POLR1B: variants seen among roughly 807,000 people sequenced by gnomAD.
POLR1B encodes the protein DNA-directed RNA polymerase I subunit RPA2.
In POLR1B, 30 loss-of-function variants were observed where a neutral mutation model predicts 105.8. The observed-to-expected ratio is 0.28, with a 90% CI of 0.21 to 0.38. The LOEUF (loss-of-function observed/expected upper bound fraction) is 0.38, where lower values mean the gene tolerates loss of function less well. POLR1B is among the 10% of genes least tolerant of loss of function. The pLI is 1.00. For synonymous variants in POLR1B, 485 were observed against 505.1 expected (o/e 0.96, Z 0.53); for missense variants, 976 against 1,435.8 (o/e 0.68, Z 5.17).
At chr2:112,562,759 G>A (rs1684063239) in intron 9 of POLR1B, among the ~76,000 whole-genome samples, 1 of 131,232 alleles carries the variant, frequency 7.6e-6, no homozygotes, top group African/African-American at 3.0e-5. Context: ...ACGGAGTTTC[G>A]CTCTTGCCCA....
chr2:112,570,771 CTT>C (rs1276386133), intron 12 of POLR1B, among the ~76,000 whole-genome samples: 1 of 122,658 alleles, frequency 8.2e-6, no homozygotes, highest in Admixed American at 1.0e-4. Context: ...CTACTTGTTT[CTT>C]TTTTTTTTCT....
chr2:112,569,903 C>T (rs906590079), intron 12 of POLR1B, among the ~76,000 whole-genome samples: 2 of 151,938 alleles, frequency 1.3e-5, no homozygotes, highest in African/African-American at 4.8e-5. Flanking sequence ...CTAAACTCTT[C>T]TGTCATTATT....
At chr2:112,553,457 C>T (rs538318562) in intron 7 of POLR1B, 4 of 152,262 alleles carry the variant, frequency 2.6e-5, no homozygotes, top group African/African-American at 7.2e-5. Flanking sequence ...GGACTATAGA[C>T]ATTCACCACC....
chr2:112,570,541 C>T (rs1359966893), intron 12 of POLR1B, among the ~76,000 whole-genome samples: 1 of 152,274 alleles, frequency 6.6e-6, no homozygotes, highest in East Asian at 1.9e-4. Context: ...TACTACACAC[C>T]TAGTATATGG....
At chr2:112,555,280 A>G (rs1024758617) in intron 7 of POLR1B, among the ~76,000 whole-genome samples, 3 of 151,914 alleles carry the variant, frequency 2.0e-5, no homozygotes, top group Admixed American at 1.3e-4. Context: ...TCAAGGCTGC[A>G]ATAAGGGGTG....
At chr2:112,559,656 A>G in intron 9 of POLR1B, 82 bp downstream of exon 9, 1 of 1,502,526 alleles carries the variant, frequency 6.7e-7, no homozygotes, top group Non-Finnish European at 9.1e-7. Flanking sequence ...TTTGAGATGG[A>G]GTGTTGCTAT....
At chr2:112,549,445 A>AT in intron 4 of POLR1B, 46 bp downstream of exon 4, 17 of 1,456,636 alleles carry the variant, frequency 1.2e-5, no homozygotes, top group South Asian at 2.8e-5. Context: ...AAAATTTAAA[A>AT]CTTTTTTTTT....
chr2:112,564,169 C>T (rs1486245511), intron 9 of POLR1B, 197 bp from the exon 10 acceptor site: 7 of 539,622 alleles, frequency 1.3e-5, no homozygotes, highest in Admixed American at 6.6e-5. Context: ...GAACACTTGT[C>T]GTTGGAAAAA....
intron 13 of POLR1B, 114 bp from the exon 14 acceptor site, chr2:112,573,448 G>A (rs1684692587): frequency 7.5e-7 from 1 of 1,339,776 alleles, no homozygotes; most frequent in Admixed American, 2.4e-5. Context: ...GAAAATGTGA[G>A]GAAAGTTAAA....
In POLR1B at chr2:112,574,953, A is replaced by G. The variant is rs142045446; in HGVS notation, c.2632A>G (p.Thr878Ala). 1.7e-5 allele frequency: 27 copies of G among 1,614,158 alleles called. No individual in the cohort carries two copies. The African/African-American group carries it at 1.7e-4, about 10-fold the overall frequency. ...CITMRVPRNP[T>A]IGDKFASRHG... ...CACTATGAGAGTGCCTCGGAACCCA[A>G]CTATCGGAGATAAATTTGCCAGTCG... Residue 878 changes from threonine (T) to alanine (A), a missense_variant, in exon 15 of 15, where the codon ACT becomes GCT. Thr to Ala is a moderately conservative substitution (Grantham distance 58, BLOSUM62 0). This residue lies in a region of POLR1B where 119 missense variants were observed against 149.7 expected (regional missense o/e 0.79). Transcript: ENST00000263331.
rs72948404 is a variant in POLR1B, at chr2:112,567,103, A to T, written c.1747-864A>T. On this transcript the variant is annotated intron_variant, in intron 10 of 14. Coordinates refer to ENST00000263331, the MANE Select transcript of POLR1B (RefSeq NM_019014.6). ...AAGATCTGCTCTCTTAGTAAATTTC[A>T]AGCATGCAATATAGTATTCTTAACT... Among the ~76,000 whole-genome samples the T allele has an allele frequency of 9.3e-3, 1,421 of 152,148 alleles. 19 individuals carry two copies. The highest frequency in any genetic ancestry group is 0.033 in the African/African-American group (1,372 of 41,476).
At chr2:112,551,110 C>G (rs1182703841) in intron 5 of POLR1B, 108 bp downstream of exon 5, 5 of 1,100,804 alleles carry the variant, frequency 4.5e-6, no homozygotes, top group East Asian at 4.7e-5. Context: ...TACTAGTTGT[C>G]TACTGCTCCA....
rs1683205172 is a variant in POLR1B, at chr2:112,548,829, G to A, written c.493-438G>A. On this transcript the variant is annotated intron_variant, in intron 3 of 14. Coordinates refer to ENST00000263331, the MANE Select transcript of POLR1B (RefSeq NM_019014.6). ...GGGTTTCACCGTGTTAGCCAGGATG[G>A]TCTTGATCTCCTGACCTTGTGATGC... Among the ~76,000 whole-genome samples, 4 of 152,248 alleles carry A rather than the reference G, an allele frequency of 2.6e-5. No individual in the cohort carries two copies. In the South Asian group the frequency reaches 8.3e-4, roughly 32 times the overall value.
rs138346424 is a variant in POLR1B, at chr2:112,568,627, A to G, written c.1918-119A>G. The G allele has an allele frequency of 6.0e-6, 7 of 1,160,310 alleles. No individual in the cohort carries two copies. In the East Asian group the frequency reaches 1.2e-4, roughly 20 times the overall value. 71.9% of individuals were successfully genotyped at this position (1,160,310 alleles called of 1,614,324 possible). On this transcript the variant is annotated intron_variant, in intron 11 of 14. Transcript: ENST00000263331. Reference sequence around the variant, plus strand: ...TTCCCAGTTGATCCCTTCAGCACTCATGATGCTGGGTGGGGATGGTTTTCT... The same window carrying G: ...TTCCCAGTTGATCCCTTCAGCACTCGTGATGCTGGGTGGGGATGGTTTTCT...
At chr2:112,545,886 T>C (rs62158584) in intron 1 of POLR1B, 24,331 of 287,400 alleles carry the variant, frequency 0.085, 1,360 homozygotes, top group East Asian at 0.3. Flanking sequence ...GCTCAAGTAG[T>C]CCTCCTCTCT....
intron 14 of POLR1B, among the ~76,000 whole-genome samples, chr2:112,574,324 T>G (rs1684751306): frequency 1.3e-5 from 2 of 152,202 alleles, no homozygotes; most frequent in African/African-American, 4.8e-5. Flanking sequence ...TTTCAGTTGC[T>G]TTTGTTGCTA....
rs1684818066 is a variant in POLR1B at position 112,575,480 on chromosome 2, C to T, written c.3159C>T (p.Leu1053=). The change falls in exon 15 of 15, where the codon CTC becomes CTT. Residue 1053 remains leucine (L), a synonymous_variant. Transcript: ENST00000263331. The surrounding 1 kb of genome is among the most constrained non-coding windows in gnomAD (Gnocchi z 5.3). ...TTTTAGCTCATGGTACATCTTTTCT[C>T]CTTCATGACCGCCTCTTCAACTGCT... ...DALLAHGTSF[L]LHDRLFNCSD... is the part of the protein sequence containing the mutation. 6.2e-7 allele frequency: 1 copy of T among 1,614,156 alleles called. No homozygotes were observed. The highest frequency in any genetic ancestry group is 1.3e-5 in the African/African-American group (1 of 75,038).
At chr2:112,554,527 G>A (rs1683546501) in intron 7 of POLR1B, 1 of 152,084 alleles carries the variant, frequency 6.6e-6, no homozygotes, top group Non-Finnish European at 1.5e-5. Flanking sequence ...AAATTAGATT[G>A]AAAAATTTCA....
chr2:112,549,239 A>C, intron 3 of POLR1B, 28 bp from the exon 4 acceptor site: 1 of 1,610,932 alleles, frequency 6.2e-7, no homozygotes, highest in Non-Finnish European at 8.5e-7. Flanking sequence ...ATCTTTGTTT[A>C]ACAAGTTGCA....
Sources: gnomAD v4.1 joint callset for allele counts (sites outside exome capture counted in the v4.1 genomes callset) on GRCh38, gnomAD v4.1.1 for gene constraint, gnomAD v4.1.1 regional missense constraint, Gnocchi (gnomAD v3.1) non-coding constraint, MANE v1.5 for transcripts, NCBI Gene and HGNC (gene_info 2026-07-23, HGNC 2026-07-21) for gene names.